The following SAP130 variants were observed in gnomAD, a reference collection of about 807,000 sequenced individuals.
SAP130 encodes the protein Sin3A associated protein 130.
Under a neutral mutation model 103.2 loss-of-function variants are expected in SAP130, and 16 were observed. The observed-to-expected ratio is 0.16, with a 90% CI of 0.10 to 0.24. The LOEUF is 0.24. Among genes scored for constraint, SAP130 ranks in the 10% least tolerant of loss-of-function variants. SAP130 has a pLI of 1.00. For synonymous variants in SAP130, 477 were observed against 497.0 expected (o/e 0.96, Z 0.53); for missense variants, 990 against 1,359.7 (o/e 0.73, Z 4.28).
chr2:127,979,998 C>T (rs1430504027), intron 14 of SAP130, among the ~76,000 whole-genome samples: 2 of 152,010 alleles, frequency 1.3e-5, no homozygotes, highest in Non-Finnish European at 2.9e-5. Flanking sequence ...CCGCCTCAGC[C>T]TCCCGAGTAG....
intron 7 of SAP130, among the ~76,000 whole-genome samples, chr2:128,004,124 G>A (rs1034191419): frequency 6.6e-6 from 1 of 151,838 alleles, no homozygotes; most frequent in Non-Finnish European, 1.5e-5. Context: ...TGTATGACTA[G>A]CTTATTTGGA....
At chr2:127,952,240 C>G (rs1421491308) in intron 16 of SAP130, among the ~76,000 whole-genome samples, 2 of 152,028 alleles carry the variant, frequency 1.3e-5, no homozygotes, top group Non-Finnish European at 2.9e-5. Context: ...ATCATAAGAT[C>G]AGGAGTTCGA....
chr2:128,009,052 C>T (rs1553514966), intron 7 of SAP130, among the ~76,000 whole-genome samples: 1 of 152,168 alleles, frequency 6.6e-6, no homozygotes, highest in Non-Finnish European at 1.5e-5. Flanking sequence ...CTGTCCTCCA[C>T]CCTGTTAGGT....
Position 127,955,364 on chromosome 2 carries a change from C to G in SAP130, c.2064-20G>C. 2 of 1,507,106 alleles carry G rather than the reference C, an allele frequency of 1.3e-6. No homozygotes were observed. The highest frequency in any genetic ancestry group is 1.8e-6 in the Non-Finnish European group (2 of 1,120,256). The allele number at this position is 1,507,106 out of a possible 1,614,324, so 93.4% of individuals were successfully genotyped here. A position where few individuals can be genotyped will look rare whatever the true frequency, so the allele number is the denominator to read the frequency against. On this transcript the variant is annotated intron_variant, in intron 15 of 20. Coordinates refer to ENST00000643581, the MANE Select transcript of SAP130 (RefSeq NM_001330301.2). This position sits in a 1 kb window ranked among gnomAD's most constrained non-coding sequence, Gnocchi z 4.9. Reference sequence around the variant, plus strand: ...TTGGCACTAAAACACAAAAGAAAAGCACATGTAGCAAATAAGAAAAAAACT... The same window carrying G: ...TTGGCACTAAAACACAAAAGAAAAGGACATGTAGCAAATAAGAAAAAAACT...
At chr2:127,951,745 C>G (rs1679509949) in intron 16 of SAP130, among the ~76,000 whole-genome samples, 1 of 152,224 alleles carries the variant, frequency 6.6e-6, no homozygotes, top group South Asian at 2.1e-4. Flanking sequence ...CAGAGGGAGA[C>G]ACACTACCAT....
chr2:127,966,572 G>C (rs1173206802), intron 15 of SAP130, among the ~76,000 whole-genome samples: 1 of 151,906 alleles, frequency 6.6e-6, no homozygotes, highest in African/African-American at 2.4e-5. Context: ...ATGTGGTGGC[G>C]CATGCTTGTA....
chr2:127,943,334 C>T (rs1056164940), intron 19 of SAP130, among the ~76,000 whole-genome samples: 2 of 152,184 alleles, frequency 1.3e-5, no homozygotes, highest in Admixed American at 1.3e-4. Flanking sequence ...AATGGCCAAA[C>T]ATATAAGATC....
intron 19 of SAP130, among the ~76,000 whole-genome samples, chr2:127,944,450 G>A (rs1439977308): frequency 6.6e-6 from 1 of 150,722 alleles, no homozygotes; most frequent in East Asian, 1.9e-4. Flanking sequence ...TTTTCCCCGA[G>A]AGGGAGTTTT....
rs577552514 is a variant in SAP130 at position 127,964,354 on chromosome 2, C to T, written c.2064-9010G>A. On this transcript the variant is annotated intron_variant, in intron 15 of 20. Coordinates refer to ENST00000643581, the MANE Select transcript of SAP130 (RefSeq NM_001330301.2). ...ACTAAAAGTACAAAAATTAGCTGGG[C>T]GTGTTGGTGGATGCCTGTAATCCCA... Among the ~76,000 whole-genome samples the T allele has an allele frequency of 4.6e-5, 7 of 151,532 alleles. No homozygotes were observed. In the South Asian group the frequency reaches 1.3e-3, roughly 27 times the overall value.
intron 18 of SAP130, among the ~76,000 whole-genome samples, chr2:127,947,296 T>C (rs1486969245): frequency 6.6e-6 from 1 of 152,128 alleles, no homozygotes; most frequent in Non-Finnish European, 1.5e-5. Context: ...TCACAGTACT[T>C]TGTTATGGCA....
Position 127,947,764 on chromosome 2 carries a change from C to CTGTGTGTGTGTG in SAP130, c.2797+2093_2797+2104dup, listed in dbSNP as rs1553500423. On this transcript the variant is annotated intron_variant, in intron 18 of 20. Coordinates refer to ENST00000643581, the MANE Select transcript of SAP130 (RefSeq NM_001330301.2). ...TGAATTAATTTTGTATTGTGTGTGT[C>CTGTGTGTGTGTG]TGTGTGTGTGTGTGTGTGTGTGTGT... is the stretch of plus-strand genomic sequence containing the variant. 4.0e-3 allele frequency among the ~76,000 whole-genome samples: 579 copies of CTGTGTGTGTGTG among 143,402 alleles called. 7 individuals carry two copies. The highest frequency in any genetic ancestry group is 0.013 in the African/African-American group (500 of 38,158). 94.1% of individuals were successfully genotyped at this position (143,402 alleles called of 152,430 possible).
Position 127,981,199 on chromosome 2 carries a change from G to C in SAP130, c.1959-3110C>G, listed in dbSNP as rs560440126. 3.1e-4 allele frequency among the ~76,000 whole-genome samples: 47 copies of C among 151,574 alleles called. 1 individual carries two copies. Among genetic ancestry groups the C allele is most frequent in the African/African-American group, 1.1e-3 (46 of 41,258 alleles). ...CAGTAACTGTCCAGTTACAGGATGC[G>C]GTTAACATGTCTGTTCACCTCGCAC... On this transcript the variant is annotated intron_variant, in intron 14 of 20. Transcript: ENST00000643581.
chr2:127,950,803 C>G (rs932078821), intron 16 of SAP130, among the ~76,000 whole-genome samples: 9 of 152,134 alleles, frequency 5.9e-5, no homozygotes, highest in East Asian at 3.8e-4. Context: ...GGAACTCAGA[C>G]GAGATGGCTG....
chr2:127,983,675 G>A (rs1302492490), intron 14 of SAP130, among the ~76,000 whole-genome samples: 1 of 152,160 alleles, frequency 6.6e-6, no homozygotes, highest in Non-Finnish European at 1.5e-5. Flanking sequence ...GGAAGTACGG[G>A]AGAAGCAGGC....
chr2:127,945,659 T>A (rs1559026222), intron 18 of SAP130, 100 bp from the exon 19 acceptor site: 2 of 745,448 alleles, frequency 2.7e-6, no homozygotes, highest in East Asian at 2.7e-5. Flanking sequence ...ACAAGAATTT[T>A]ATTTTTTTTT....
intron 4 of SAP130, among the ~76,000 whole-genome samples, chr2:128,015,784 T>C (rs1684728255): frequency 6.6e-6 from 1 of 151,472 alleles, no homozygotes; most frequent in Non-Finnish European, 1.5e-5. Context: ...TCTATTAAAA[T>C]AAAAAAATTA....
At chr2:128,004,435 T>C (rs1441445382) in intron 7 of SAP130, among the ~76,000 whole-genome samples, 1 of 142,924 alleles carries the variant, frequency 7.0e-6, no homozygotes, top group Non-Finnish European at 1.5e-5. Context: ...CTTGAATTCC[T>C]AGGCTCAGAC....
intron 13 of SAP130, among the ~76,000 whole-genome samples, chr2:127,987,375 G>A (rs533810602): frequency 2.0e-5 from 3 of 151,950 alleles, no homozygotes; most frequent in African/African-American, 7.2e-5. Flanking sequence ...TAGTAGAGAC[G>A]GGGTTTCACC....
intron 10 of SAP130, among the ~76,000 whole-genome samples, chr2:127,997,685 C>T (rs1573781775): frequency 6.6e-6 from 1 of 152,068 alleles, no homozygotes; most frequent in Non-Finnish European, 1.5e-5. Context: ...TTTCACTGAG[C>T]CCCATGAAAG....
Sources: allele counts gnomAD v4.1 joint callset (sites outside exome capture counted in the v4.1 genomes callset), GRCh38; gene constraint gnomAD v4.1.1; non-coding constraint Gnocchi (gnomAD v3.1); transcripts MANE v1.5; gene names NCBI Gene and HGNC (gene_info 2026-07-23, HGNC 2026-07-21).